Variants in ASIC2 observed in about 807,000 individuals in gnomAD.
The protein encoded by ASIC2 is acid sensing ion channel subunit 2, also known as acid-sensing ion channel 2.
Under a neutral mutation model 57.3 loss-of-function variants are expected in ASIC2, and 25 were observed. That is an observed-to-expected ratio of 0.44 (90% CI 0.32 to 0.61). ASIC2 has a LOEUF of 0.61. Among genes scored for constraint, ASIC2 ranks in the 20% least tolerant of loss-of-function variants. The pLI is 0.06. For missense variants in ASIC2, 641 were observed against 738.1 expected (o/e 0.87, Z 1.52); for synonymous variants, 319 against 307.5 (o/e 1.04, Z -0.39).
chr17:33,831,124 A>G (rs1174301927), intron 1 of ASIC2, among the ~76,000 whole-genome samples: 3 of 149,336 alleles, frequency 2.0e-5, no homozygotes, highest in Non-Finnish European at 4.5e-5. Flanking sequence ...AAAAAAAAAA[A>G]AAAAAAAAAA....
intron 1 of ASIC2, among the ~76,000 whole-genome samples, chr17:33,442,138 A>G (rs1483089440): frequency 6.6e-6 from 1 of 152,148 alleles, no homozygotes; most frequent in Non-Finnish European, 1.5e-5. Flanking sequence ...ATTGATCTAT[A>G]TGTCTATTCT....
chr17:33,678,068 T>A (rs1277041832), intron 1 of ASIC2, among the ~76,000 whole-genome samples: 2 of 152,148 alleles, frequency 1.3e-5, no homozygotes, highest in Non-Finnish European at 2.9e-5. Flanking sequence ...TCCCCCAGCC[T>A]TCAACAGTCC....
chr17:33,745,683 G>A (rs1269086512), intron 1 of ASIC2, among the ~76,000 whole-genome samples: 2 of 151,926 alleles, frequency 1.3e-5, no homozygotes, highest in African/African-American at 4.8e-5. Flanking sequence ...TTTTAACTGA[G>A]AATCTAATGC....
intron 1 of ASIC2, among the ~76,000 whole-genome samples, chr17:33,710,546 A>G (rs1908997194): frequency 6.6e-6 from 1 of 152,198 alleles, no homozygotes; most frequent in African/African-American, 2.4e-5. Flanking sequence ...CAGAGGAGAT[A>G]ATGCCAGAGT....
intron 1 of ASIC2, among the ~76,000 whole-genome samples, chr17:33,143,412 A>T (rs1904410909): frequency 6.6e-6 from 1 of 152,200 alleles, no homozygotes; most frequent in South Asian, 2.1e-4. Flanking sequence ...AATTTATTGA[A>T]CACCTACTAT....
intron 1 of ASIC2, among the ~76,000 whole-genome samples, chr17:34,049,539 C>CATG (rs1908468578): frequency 1.3e-5 from 2 of 152,094 alleles, no homozygotes; most frequent in African/African-American, 4.8e-5. Context: ...CAAACTCCTC[C>CATG]ATGATCAAGC....
At chr17:33,941,012 T>G (rs970339488) in intron 1 of ASIC2, among the ~76,000 whole-genome samples, 1 of 152,210 alleles carries the variant, frequency 6.6e-6, no homozygotes, top group Non-Finnish European at 1.5e-5. Context: ...ACTATCTAAG[T>G]GCTCAGGCAG....
At chr17:33,445,664 G>T (rs947313464) in intron 1 of ASIC2, among the ~76,000 whole-genome samples, 3 of 151,938 alleles carry the variant, frequency 2.0e-5, no homozygotes, top group African/African-American at 7.3e-5. Context: ...GGGCGTGGCG[G>T]CTCATGCCTG....
intron 1 of ASIC2, among the ~76,000 whole-genome samples, chr17:33,444,701 A>C (rs1358302853): frequency 6.6e-6 from 1 of 152,154 alleles, no homozygotes. Flanking sequence ...GGTAGGAGCC[A>C]CGTGCACTGG....
chr17:33,740,677 TCTC>T (rs1415284450), intron 1 of ASIC2, among the ~76,000 whole-genome samples: 2 of 152,166 alleles, frequency 1.3e-5, no homozygotes, highest in Non-Finnish European at 2.9e-5. Context: ...AAACAGACCT[TCTC>T]CTCCTCCTTC....
At chr17:33,040,377 G>A (rs2091925069) in intron 3 of ASIC2, among the ~76,000 whole-genome samples, 1 of 152,242 alleles carries the variant, frequency 6.6e-6, no homozygotes. Flanking sequence ...GCAATGCAAT[G>A]TAGTGGCTGG....
intron 1 of ASIC2, among the ~76,000 whole-genome samples, chr17:33,720,957 A>C (rs1464470022): frequency 6.6e-6 from 1 of 152,204 alleles, no homozygotes; most frequent in Non-Finnish European, 1.5e-5. Context: ...AGTTGACCCA[A>C]CTGTGAAATG....
chr17:33,402,561 G>C (rs111484800), intron 1 of ASIC2, among the ~76,000 whole-genome samples: 1,940 of 152,228 alleles, frequency 0.013, 45 homozygotes, highest in African/African-American at 0.043. Context: ...TCCTGTGTTA[G>C]TTTGCTGAGG....
At chr17:33,822,671 A>G (rs924253110) in intron 1 of ASIC2, among the ~76,000 whole-genome samples, 1 of 152,186 alleles carries the variant, frequency 6.6e-6, no homozygotes, top group African/African-American at 2.4e-5. Context: ...TGTCCATATC[A>G]ACTTTTGACA....
At chr17:33,115,944 C>G (rs185185888) in intron 1 of ASIC2, among the ~76,000 whole-genome samples, 1 of 152,210 alleles carries the variant, frequency 6.6e-6, no homozygotes, top group Non-Finnish European at 1.5e-5. Flanking sequence ...GGCCTCACTT[C>G]GTTCTGGCTG....
chr17:33,103,008 C>T (rs2092219100), intron 2 of ASIC2, among the ~76,000 whole-genome samples: 1 of 152,156 alleles, frequency 6.6e-6, no homozygotes, highest in South Asian at 2.1e-4. Context: ...TGGTCTTGAT[C>T]TCCTGACCTC....
At chr17:33,576,279 A>G (rs1248036633) in intron 1 of ASIC2, among the ~76,000 whole-genome samples, 1 of 152,176 alleles carries the variant, frequency 6.6e-6, no homozygotes, top group Non-Finnish European at 1.5e-5. Context: ...CAGACTTCAG[A>G]GAGAACCCAG....
chr17:33,086,913 C>T (rs1311490576), intron 3 of ASIC2, among the ~76,000 whole-genome samples: 1 of 152,152 alleles, frequency 6.6e-6, no homozygotes, highest in Non-Finnish European at 1.5e-5. Context: ...ACTTCTCTGA[C>T]TCTGCTGCTC....
At chr17:33,172,917 T>G (rs1905583113) in intron 1 of ASIC2, among the ~76,000 whole-genome samples, 1 of 152,188 alleles carries the variant, frequency 6.6e-6, no homozygotes, top group East Asian at 1.9e-4. Flanking sequence ...GAATGTCAGC[T>G]TTGGAGAGAG....
Sources: gnomAD v4.1 joint callset for allele counts (sites outside exome capture counted in the v4.1 genomes callset) on GRCh38, gnomAD v4.1.1 for gene constraint, MANE v1.5 for transcripts, NCBI Gene and HGNC (gene_info 2026-07-23, HGNC 2026-07-21) for gene names.